SIPA1L2: variants seen among roughly 807,000 people sequenced by gnomAD.
SIPA1L2 encodes the protein signal induced proliferation associated 1 like 2, also known as signal-induced proliferation-associated 1-like protein 2.
SIPA1L2 carries 56 observed loss-of-function variants against 163.9 expected under a neutral mutation model. The observed-to-expected ratio is 0.34, with a 90% CI of 0.28 to 0.43. The LOEUF is 0.43. SIPA1L2 is among the 20% of genes least tolerant of loss of function. SIPA1L2 has a pLI of 1.00. For missense variants in SIPA1L2, 1,974 were observed against 2,193.5 expected, an observed-to-expected ratio of 0.90 and a Z score of 2.00; for synonymous variants, 877 against 865.7, an observed-to-expected ratio of 1.01 and a Z score of -0.23.
intron 18 of SIPA1L2, among the ~76,000 whole-genome samples, chr1:232,419,603 C>T (rs1386466958): frequency 2.6e-5 from 4 of 152,086 alleles, no homozygotes; most frequent in Admixed American, 6.5e-5. Flanking sequence ...CTCTGTCTTG[C>T]TCCTTCTCTT....
At chr1:232,404,293 G>T (rs770010000) in intron 19 of SIPA1L2, 115 bp from the exon 20 acceptor site, 1 of 819,602 alleles carries the variant, frequency 1.2e-6, no homozygotes, top group Non-Finnish European at 2.0e-6. Flanking sequence ...ATGGACCAGG[G>T]GAAACCCTTG....
At chr1:232,595,741 TC>T (rs1661226979) in intron 1 of SIPA1L2, among the ~76,000 whole-genome samples, 1 of 147,950 alleles carries the variant, frequency 6.8e-6, no homozygotes, top group African/African-American at 2.7e-5. Context: ...ACCATTTTCT[TC>T]CAATGCTCAT....
chr1:232,550,025 A>G (rs192677918), intron 2 of SIPA1L2, among the ~76,000 whole-genome samples: 2 of 152,350 alleles, frequency 1.3e-5, no homozygotes, highest in African/African-American at 2.4e-5. Flanking sequence ...AAATGCCTGA[A>G]GAGGGATTAC....
intron 7 of SIPA1L2, among the ~76,000 whole-genome samples, chr1:232,477,758 T>C (rs1433149993): frequency 6.6e-6 from 1 of 152,190 alleles, no homozygotes; most frequent in Non-Finnish European, 1.5e-5. Flanking sequence ...TGATTACGCT[T>C]CAATGAAAGG....
upstream of SIPA1L2, among the ~76,000 whole-genome samples, chr1:232,630,239 C>T (rs894879012): frequency 6.6e-6 from 1 of 151,792 alleles, no homozygotes; most frequent in Non-Finnish European, 1.5e-5. Context: ...TCGGCCCCGC[C>T]CCACGATTGG....
chr1:232,630,363 C>T (rs745801046), upstream of SIPA1L2, among the ~76,000 whole-genome samples: 1 of 152,014 alleles, frequency 6.6e-6, no homozygotes, highest in African/African-American at 2.4e-5. Context: ...GGACGCCCTT[C>T]TTGGGGAGGG....
At chr1:232,425,263 T>C (rs1338447661) in intron 18 of SIPA1L2, among the ~76,000 whole-genome samples, 1 of 151,994 alleles carries the variant, frequency 6.6e-6, no homozygotes, top group East Asian at 1.9e-4. Flanking sequence ...TCTTTTCTTT[T>C]TTTTTTTAAA....
In SIPA1L2 at chr1:232,525,502, C is replaced by T. The variant is rs139382029; in HGVS notation, c.-269-9894G>A. Among the ~76,000 whole-genome samples, 945 of 151,672 alleles carry T rather than the reference C, an allele frequency of 6.2e-3. 25 individuals are homozygous for T. The South Asian group carries it at 0.079, about 13-fold the overall frequency. ...AACTTCTGACCTCAGGCAATCTGCC[C>T]GCCTTGGCCTCCCAAAGTGCTGGGA... is the stretch of plus-strand genomic sequence containing the variant. On this transcript the variant is annotated intron_variant, in intron 2 of 22. Coordinates refer to ENST00000674635, the MANE Select transcript of SIPA1L2 (RefSeq NM_020808.5).
At chr1:232,590,223 C>T (rs1660891913) in intron 1 of SIPA1L2, among the ~76,000 whole-genome samples, 1 of 152,188 alleles carries the variant, frequency 6.6e-6, no homozygotes, top group East Asian at 1.9e-4. Flanking sequence ...ACCTCCAGGG[C>T]CCTCCCACGC....
chr1:232,501,284 C>T (rs1666467964), intron 3 of SIPA1L2, among the ~76,000 whole-genome samples: 1 of 152,032 alleles, frequency 6.6e-6, no homozygotes, highest in Non-Finnish European at 1.5e-5. Flanking sequence ...GCACTATCTG[C>T]ATAGTAGACT....
chr1:232,490,970 C>T lies in SIPA1L2; in HGVS notation c.1710G>A (p.Leu570=). The change falls in exon 5 of 23, where the codon TTG becomes TTA. Residue 570 remains leucine, a synonymous_variant. Transcript: ENST00000674635. The part of the protein sequence containing the change: ...TARGLPLKEV[L]EYVIPELSIQ... ...TGCTCAGCTCTGGAATGACGTATTC[C>T]AAAACTTCTTTGAGAGGTAGTCCTC... 6.2e-7 allele frequency: 1 copy of T among 1,614,152 alleles called. No homozygotes were observed.
intron 2 of SIPA1L2, among the ~76,000 whole-genome samples, chr1:232,539,318 A>C (rs529166844): frequency 2.6e-5 from 4 of 152,318 alleles, no homozygotes; most frequent in Non-Finnish European, 4.4e-5. Flanking sequence ...TACTACTTAC[A>C]ACTGCAAAAA....
chr1:232,402,340 G>T lies in SIPA1L2; in HGVS notation c.5022+52C>A, dbSNP rs958593723. 6.5e-6 allele frequency: 10 copies of T among 1,533,664 alleles called. No individual in the cohort carries two copies. The Admixed American group carries it at 1.8e-4, about 27-fold the overall frequency. ...TCAATTTATCTGTAGTAGTTATAAG[G>T]GGCTGATTTTATAAGAGAAACAGTT... On this transcript the variant is annotated intron_variant, in intron 22 of 22. Transcript: ENST00000674635.
chr1:232,498,298 CAG>C (rs2103010931), intron 3 of SIPA1L2, among the ~76,000 whole-genome samples: 1 of 152,264 alleles, frequency 6.6e-6, no homozygotes, highest in South Asian at 2.1e-4. Flanking sequence ...AGTGATAAGA[CAG>C]TGTGAAGCAT....
chr1:232,413,124 C>A (rs1381610239), intron 19 of SIPA1L2, among the ~76,000 whole-genome samples: 2 of 152,168 alleles, frequency 1.3e-5, no homozygotes, highest in East Asian at 3.9e-4. Context: ...AGGTTTAGGA[C>A]TAGATGAAGC....
intron 19 of SIPA1L2, among the ~76,000 whole-genome samples, chr1:232,412,211 G>A (rs1341436703): frequency 6.6e-6 from 1 of 152,160 alleles, no homozygotes; most frequent in African/African-American, 2.4e-5. Context: ...ATGCCAAAAT[G>A]TGTAGCATAA....
intron 12 of SIPA1L2, 95 bp downstream of exon 12, chr1:232,443,507 G>A (rs1285618897): frequency 2.2e-6 from 2 of 895,848 alleles, no homozygotes; most frequent in Non-Finnish European, 3.2e-6. Context: ...TCCCCACATG[G>A]CCCCAGGTAC....
At chr1:232,583,500 C>A (rs1377483670) in intron 1 of SIPA1L2, among the ~76,000 whole-genome samples, 2 of 152,106 alleles carry the variant, frequency 1.3e-5, no homozygotes. Flanking sequence ...AAATGGAGCA[C>A]AGTGAAAACC....
At chr1:232,581,134 T>C (rs1201052983) in intron 1 of SIPA1L2, among the ~76,000 whole-genome samples, 1 of 152,202 alleles carries the variant, frequency 6.6e-6, no homozygotes, top group Non-Finnish European at 1.5e-5. Flanking sequence ...ACCTAAAGTT[T>C]CTGTCCTCCT....
Sources: allele counts gnomAD v4.1 joint callset (sites outside exome capture counted in the v4.1 genomes callset), GRCh38; gene constraint gnomAD v4.1.1; transcripts MANE v1.5; gene names NCBI Gene and HGNC (gene_info 2026-07-23, HGNC 2026-07-21).